Variants in NFRKB observed in about 807,000 individuals in gnomAD.
NFRKB encodes the protein nuclear factor related to kappaB binding protein, also known as nuclear factor related to kappa-B-binding protein.
In NFRKB, 62 loss-of-function variants were observed where a neutral mutation model predicts 135.7. The ratio of observed to expected loss-of-function variants is 0.46; its 90% confidence interval spans 0.37 to 0.56. The LOEUF (loss-of-function observed/expected upper bound fraction) is 0.56. Among genes scored for constraint, NFRKB ranks in the 20% least tolerant of loss-of-function variants. The pLI is 0.00. For synonymous variants in NFRKB, 678 were observed against 635.6 expected, an observed-to-expected ratio of 1.07 and a Z score of -1.00; for missense variants, 1,545 against 1,662.0, an observed-to-expected ratio of 0.93 and a Z score of 1.22.
At chr11:129,882,862 C>T (rs1367283614) in intron 9 of NFRKB, among the ~76,000 whole-genome samples, 1 of 152,082 alleles carries the variant, frequency 6.6e-6, no homozygotes, top group Non-Finnish European at 1.5e-5. Context: ...TAGCTCACTA[C>T]AGCCTCAATC....
At chr11:129,877,409 C>G in intron 15 of NFRKB, 24 bp from the exon 16 acceptor site, 2 of 1,611,528 alleles carry the variant, frequency 1.2e-6, no homozygotes, top group Non-Finnish European at 1.7e-6. Flanking sequence ...AATTCTGTAT[C>G]AACCCTGACA....
intron 24 of NFRKB, 120 bp downstream of exon 24, chr11:129,869,374 T>C: frequency 8.4e-7 from 1 of 1,189,946 alleles, no homozygotes; most frequent in Non-Finnish European, 1.1e-6. Flanking sequence ...TTAGGGCCTC[T>C]AATTTCCACT....
intron 24 of NFRKB, among the ~76,000 whole-genome samples, chr11:129,867,866 G>C (rs957360731): frequency 1.5e-4 from 23 of 152,170 alleles, no homozygotes; most frequent in Non-Finnish European, 7.3e-5. Context: ...TGGGGATATG[G>C]GGATTTGGTT....
At chr11:129,875,323 G>C in intron 18 of NFRKB, 34 bp downstream of exon 18, 1 of 1,524,382 alleles carries the variant, frequency 6.6e-7, no homozygotes, top group Non-Finnish European at 9.0e-7. Context: ...ATCCATTCTG[G>C]AACAAAGCAA....
At chr11:129,865,133 G>GATC (rs1432777224) in intron 25 of NFRKB, 32 bp from the exon 26 acceptor site, 1 of 1,592,692 alleles carries the variant, frequency 6.3e-7, no homozygotes. Flanking sequence ...GAGATATAAT[G>GATC]ATATCGACAG....
chr11:129,872,243 C>G lies in NFRKB; in HGVS notation c.2763+641G>C, dbSNP rs1327275732. Among the ~76,000 whole-genome samples, 5 of 152,050 alleles carry G rather than the reference C, an allele frequency of 3.3e-5. No homozygotes were observed. In the East Asian group the frequency reaches 9.6e-4, roughly 29 times the overall value. On this transcript the variant is annotated intron_variant, in intron 23 of 26. Coordinates refer to ENST00000682444, the MANE Select transcript of NFRKB (RefSeq NM_001143835.2). Reference sequence around the variant, plus strand: ...TATGAGAATACGAGTTCCGCGAGGGCAAGGACTTAGTCTGTTTAATGTACC... The same window carrying G: ...TATGAGAATACGAGTTCCGCGAGGGGAAGGACTTAGTCTGTTTAATGTACC...
intron 25 of NFRKB, 119 bp from the exon 26 acceptor site, chr11:129,865,220 C>G: frequency 7.9e-7 from 1 of 1,269,562 alleles, no homozygotes; most frequent in Non-Finnish European, 1.1e-6. Flanking sequence ...CCCAGCATTT[C>G]AGATTGAAAT....
intron 23 of NFRKB, among the ~76,000 whole-genome samples, chr11:129,871,287 G>T (rs945332898): frequency 6.6e-6 from 1 of 151,986 alleles, no homozygotes; most frequent in African/African-American, 2.4e-5. Flanking sequence ...CTGAATCTGA[G>T]GATGTGGAAC....
intron 3 of NFRKB, among the ~76,000 whole-genome samples, chr11:129,890,003 C>G: frequency 1.4e-5 from 2 of 139,074 alleles, no homozygotes; most frequent in African/African-American, 5.5e-5. Flanking sequence ...ATATACGCTT[C>G]TGTGTGATAC....
intron 9 of NFRKB, 110 bp downstream of exon 9, chr11:129,883,012 G>GT (rs1488453378): frequency 1.1e-6 from 1 of 940,146 alleles, no homozygotes; most frequent in Admixed American, 2.3e-5. Flanking sequence ...AATAATAAAG[G>GT]TTACCAGCAT....
chr11:129,889,457 A>G, intron 3 of NFRKB, among the ~76,000 whole-genome samples: 1 of 151,972 alleles, frequency 6.6e-6, no homozygotes, highest in East Asian at 1.9e-4. Context: ...AGTGGCAGGA[A>G]AAGGTTAACA....
In NFRKB at chr11:129,892,824, G is replaced by A. The variant is rs749423153; in HGVS notation, c.26C>T (p.Thr9Ile). Residue 9 changes from threonine (T) to isoleucine (I), a missense_variant, in exon 3 of 27, where the codon ACA becomes ATA. Around this residue, in one of 3 missense-constraint regions of NFRKB, gnomAD observed 678 missense variants for 646.7 expected, o/e 1.05. Coordinates refer to ENST00000682444, the MANE Select transcript of NFRKB (RefSeq NM_001143835.2). MDSLDHML[T>I]DPLELGPCGD... is the part of the protein sequence containing the mutation. ...ACACGGACCAAGTTCCAGAGGATCTGTCAGCATATGGTCTAAGGAATCCAT... is the reference window on the plus strand; with the variant it reads ...ACACGGACCAAGTTCCAGAGGATCTATCAGCATATGGTCTAAGGAATCCAT... 3 of 1,614,068 alleles carry A rather than the reference G, an allele frequency of 1.9e-6. No individual in the cohort carries two copies. Among genetic ancestry groups the A allele is most frequent in the Non-Finnish European group, 2.5e-6 (3 of 1,180,044 alleles).
rs79132420 is a variant in NFRKB, at chr11:129,873,711, T to C, written c.2550+34A>G. ...ATCAGCCCACCTCTGGGTCTGCATC[T>C]CTGCTTCCCAATGACCACGGCTTCC... On this transcript the variant is annotated intron_variant, in intron 22 of 26. Coordinates refer to ENST00000682444, the MANE Select transcript of NFRKB (RefSeq NM_001143835.2). 8.2e-3 allele frequency: 13,198 copies of C among 1,601,196 alleles called. 908 individuals carry two copies. In the African/African-American group the frequency reaches 0.15, roughly 19 times the overall value.
intron 24 of NFRKB, among the ~76,000 whole-genome samples, chr11:129,868,486 T>G (rs1201966022): frequency 2.0e-5 from 3 of 152,228 alleles, no homozygotes; most frequent in Admixed American, 2.0e-4. Context: ...ATGGGGCACA[T>G]GTGGATGTGG....
At chr11:129,881,879 A>G in intron 11 of NFRKB, 26 bp from the exon 12 acceptor site, 1 of 1,572,386 alleles carries the variant, frequency 6.4e-7, no homozygotes, top group Non-Finnish European at 8.6e-7. Context: ...GGCAGAACCC[A>G]GTCAGACTTC....
chr11:129,891,312 G>A (rs1362072970), intron 3 of NFRKB, among the ~76,000 whole-genome samples: 3 of 152,130 alleles, frequency 2.0e-5, no homozygotes, highest in African/African-American at 7.2e-5. Context: ...AATAAGCCCT[G>A]GCAGCAAACT....
chr11:129,874,313 G>C lies in NFRKB; in HGVS notation c.2079C>G (p.Ser693Arg). 2 of 1,516,996 alleles carry C rather than the reference G, an allele frequency of 1.3e-6. No individual in the cohort carries two copies. Among genetic ancestry groups the C allele is most frequent in the Non-Finnish European group, 1.8e-6 (2 of 1,135,134 alleles). The allele number at this position is 1,516,996 out of a possible 1,614,324, so 94.0% of individuals were successfully genotyped here. The change falls in exon 21 of 27, where the codon AGC becomes AGG. Residue 693 changes from serine (S) to arginine (R), a missense_variant. This residue lies in a region of NFRKB where 753 missense variants were observed against 804.3 expected (regional missense o/e 0.94). Coordinates refer to ENST00000682444, the MANE Select transcript of NFRKB (RefSeq NM_001143835.2). The surrounding 1 kb of genome is among the most constrained non-coding windows in gnomAD (Gnocchi z 4.5). ...GGCCACTGCTAAGGACCTTTATGGA[G>C]CTCTCCTTGCTACTGGACTTCTAGA... ...PSKVKSSSKE[S>R]SIKVLSSGPS... is the part of the protein sequence containing the mutation.
chr11:129,875,277 T>C, intron 18 of NFRKB, 80 bp downstream of exon 18: 1 of 1,169,652 alleles, frequency 8.5e-7, no homozygotes, highest in Non-Finnish European at 1.2e-6. Context: ...TTTAAAAATT[T>C]TGTTATATTT....
intron 7 of NFRKB, among the ~76,000 whole-genome samples, chr11:129,884,457 G>A (rs996010705): frequency 4.6e-5 from 7 of 152,098 alleles, no homozygotes; most frequent in African/African-American, 9.7e-5. Context: ...TCCTTTGTCC[G>A]CTTACCGCAC....
Sources: gnomAD v4.1 joint callset for allele counts (sites outside exome capture counted in the v4.1 genomes callset) on GRCh38, gnomAD v4.1.1 for gene constraint, gnomAD v4.1.1 regional missense constraint, Gnocchi (gnomAD v3.1) non-coding constraint, MANE v1.5 for transcripts, NCBI Gene and HGNC (gene_info 2026-07-23, HGNC 2026-07-21) for gene names.